LARGE1: variants seen among roughly 807,000 people sequenced by gnomAD.
LARGE1 encodes LARGE xylosyl- and glucuronyltransferase 1.
Under a neutral mutation model 87.6 loss-of-function variants are expected in LARGE1, and 43 were observed. That is an observed-to-expected ratio of 0.49 (90% CI 0.38 to 0.63). The LOEUF (loss-of-function observed/expected upper bound fraction) is 0.63, where lower values mean the gene tolerates loss of function less well. LARGE1 is among the 30% of genes least tolerant of loss of function. The probability of loss-of-function intolerance (pLI) is 0.00; values close to 1 mark genes in which losing one functional copy is unlikely to be tolerated. For missense variants in LARGE1, 802 were observed against 1,000.2 expected (o/e 0.80, Z 2.67); for synonymous variants, 434 against 394.6 (o/e 1.10, Z -1.18).
At chr22:33,480,426 C>G (rs1490337891) in intron 6 of LARGE1, among the ~76,000 whole-genome samples, 1 of 151,646 alleles carries the variant, frequency 6.6e-6, no homozygotes, top group Non-Finnish European at 1.5e-5. Flanking sequence ...GGTATAATCT[C>G]CTGCTCATTT....
the LARGE1 span, among the ~76,000 whole-genome samples, chr22:33,093,044 G>A: frequency 5.7e-5 from 8 of 139,226 alleles, no homozygotes; most frequent in African/African-American, 1.5e-4. Context: ...TTGAGGAATC[G>A]CCACACTGTC....
the LARGE1 span, among the ~76,000 whole-genome samples, chr22:33,155,855 C>A: frequency 1.4e-4 from 22 of 152,252 alleles, no homozygotes; most frequent in African/African-American, 5.1e-4. Flanking sequence ...GGCCCAGGGT[C>A]CCTTTGCTGT....
intron 1 of LARGE1, among the ~76,000 whole-genome samples, chr22:33,814,564 T>G (rs563587458): frequency 1.6e-4 from 24 of 152,292 alleles, no homozygotes; most frequent in African/African-American, 5.5e-4. Flanking sequence ...CTGAAGGCCT[T>G]AAGAGGAAAA....
intron 2 of LARGE1, among the ~76,000 whole-genome samples, chr22:33,676,892 CAAG>C (rs567004929): frequency 5.3e-4 from 80 of 152,224 alleles, no homozygotes; most frequent in Middle Eastern, 3.4e-3. Context: ...CCTTAAAGGT[CAAG>C]AAGAAGACCT....
At chr22:33,731,374 A>G (rs2083463076) in intron 2 of LARGE1, among the ~76,000 whole-genome samples, 1 of 152,192 alleles carries the variant, frequency 6.6e-6, no homozygotes, top group African/African-American at 2.4e-5. Flanking sequence ...AAACTTGGAT[A>G]TCTGAGGAGG....
At chr22:33,139,008 A>C in the LARGE1 span, among the ~76,000 whole-genome samples, 2 of 152,002 alleles carry the variant, frequency 1.3e-5, no homozygotes, top group East Asian at 3.9e-4. Context: ...ACAAGATCTG[A>C]TGGTTTCAAA....
chr22:33,843,440 AAAATAAAT>A (rs59206767), intron 1 of LARGE1, among the ~76,000 whole-genome samples: 24 of 146,536 alleles, frequency 1.6e-4, no homozygotes, highest in Non-Finnish European at 2.5e-4. Flanking sequence ...CCCTCTCAAA[AAAATAAAT>A]AAATAAATAA....
Position 33,479,085 on chromosome 22 carries a change from C to T in LARGE1, c.788-46820G>A, listed in dbSNP as rs550639100. 9.8e-5 allele frequency among the ~76,000 whole-genome samples: 15 copies of T among 152,302 alleles called. No individual in the cohort carries two copies. In the South Asian group the frequency reaches 2.9e-3, roughly 30 times the overall value. ...TTTAAGCCTGAATTCCTGAGGCCAA[C>T]TTTCCTCCTGCAAGCAGGTGCCAAC... On this transcript the variant is annotated intron_variant, in intron 6 of 14. Transcript: ENST00000397394.
chr22:33,280,744 A>G (rs1193414703), intron 13 of LARGE1, among the ~76,000 whole-genome samples: 1 of 152,204 alleles, frequency 6.6e-6, no homozygotes, highest in Admixed American at 6.5e-5. Flanking sequence ...TGGGAAGATG[A>G]GAGAGGTTTC....
At chr22:33,175,056 T>G (rs1922789864) in intron 11 of LARGE1, among the ~76,000 whole-genome samples, 1 of 152,214 alleles carries the variant, frequency 6.6e-6, no homozygotes, top group Non-Finnish European at 1.5e-5. Context: ...CCAATATCCC[T>G]GAGGAACATC....
intron 7 of LARGE1, among the ~76,000 whole-genome samples, chr22:33,404,049 T>A (rs2066012249): frequency 6.6e-6 from 1 of 152,208 alleles, no homozygotes; most frequent in Admixed American, 6.5e-5. Context: ...GAAGCCTATG[T>A]GCTAACAGAA....
In LARGE1 at chr22:33,337,719, AG is replaced by A; in HGVS notation, c.1213del (p.Leu405TrpfsTer8). ...EFFRNLYLTFLEYDGNLLRRE... is the reference protein window; with the variant it reads ...EFFRNLYLTFXEYDGNLLRRE... ...CCTCAGAAGATTGCCGTCATACTCC[AG>A]GAAGGTCAGGTAGAGGTTGCGAAAA... On this transcript the variant is annotated frameshift_variant, in exon 10 of 15. Transcript: ENST00000397394. LOFTEE classifies it high-confidence loss of function. The A allele has an allele frequency of 6.2e-7, 1 of 1,614,130 alleles. No homozygotes were observed. Among genetic ancestry groups the A allele is most frequent in the Non-Finnish European group, 8.5e-7 (1 of 1,180,016 alleles).
chr22:33,755,033 CATA>C (rs1041115314), intron 2 of LARGE1, among the ~76,000 whole-genome samples: 1 of 152,194 alleles, frequency 6.6e-6, no homozygotes, highest in African/African-American at 2.4e-5. Context: ...GGGATTCCCC[CATA>C]ATAATAAGGC....
rs564367255 is a variant in LARGE1 at position 33,686,478 on chromosome 22, C to T, written c.107-35810G>A. On this transcript the variant is annotated intron_variant, in intron 2 of 14. Coordinates refer to ENST00000397394, the MANE Select transcript of LARGE1 (RefSeq NM_133642.5). ...GAATCGCTTGAACCTGGGAGGCAGA[C>T]GTTGCAGTGAGCCAAGATCATGCCA... Among the ~76,000 whole-genome samples, 253 of 147,266 alleles carry T rather than the reference C, an allele frequency of 1.7e-3. 1 individual carries two copies. The highest frequency in any genetic ancestry group is 2.1e-3 in the Non-Finnish European group (139 of 67,334).
At position 33,851,612 on chromosome 22, in the gene LARGE1, A is replaced by G. The variant is rs535868763; in HGVS notation, c.-83+68383T>C. On this transcript the variant is annotated intron_variant, in intron 1 of 14. Transcript: ENST00000397394. ...CCAGGAACATACCTGTGGTCAAACA[A>G]AGTTGGGTTCATTGGTTCACTGCAG... Among the ~76,000 whole-genome samples the G allele has an allele frequency of 3.3e-5, 5 of 152,376 alleles. No individual in the cohort carries two copies. The South Asian group carries it at 1.0e-3, about 32-fold the overall frequency.
At chr22:33,851,299 T>G (rs2063576661) in intron 1 of LARGE1, among the ~76,000 whole-genome samples, 1 of 152,238 alleles carries the variant, frequency 6.6e-6, no homozygotes, top group African/African-American at 2.4e-5. Context: ...GACCCCACTG[T>G]GTCTTCCAGC....
chr22:33,749,160 G>A (rs2145615609), intron 2 of LARGE1, among the ~76,000 whole-genome samples: 1 of 152,250 alleles, frequency 6.6e-6, no homozygotes, highest in African/African-American at 2.4e-5. Flanking sequence ...TGTTGCCCAG[G>A]CTGGAGTGCA....
At chr22:33,259,904 C>T (rs1299823259) in intron 11 of LARGE1, among the ~76,000 whole-genome samples, 1 of 152,190 alleles carries the variant, frequency 6.6e-6, no homozygotes, top group Non-Finnish European at 1.5e-5. Flanking sequence ...GTCTTGCTGA[C>T]CCTGGAGAGA....
chr22:33,348,536 C>T (rs891754965), intron 9 of LARGE1, among the ~76,000 whole-genome samples: 1 of 151,916 alleles, frequency 6.6e-6, no homozygotes, highest in Non-Finnish European at 1.5e-5. Flanking sequence ...CATGGTGTGC[C>T]CTGATATTTG....
Sources: gnomAD v4.1 joint callset for allele counts (sites outside exome capture counted in the v4.1 genomes callset) on GRCh38, gnomAD v4.1.1 for gene constraint, MANE v1.5 for transcripts, NCBI Gene and HGNC (gene_info 2026-07-23, HGNC 2026-07-21) for gene names.